GHSR: variants seen among roughly 807,000 people sequenced by gnomAD.
GHSR encodes the protein growth hormone secretagogue receptor type 1.
GHSR carries 17 observed loss-of-function variants against 24.0 expected under a neutral mutation model. That is an observed-to-expected ratio of 0.71 (90% CI 0.49 to 1.06). The LOEUF (loss-of-function observed/expected upper bound fraction) is 1.06, where lower values mean the gene tolerates loss of function less well. Among genes scored for constraint, GHSR ranks in the 50% least tolerant of loss-of-function variants. The probability of loss-of-function intolerance (pLI) is 0.00; values close to 1 mark genes in which losing one functional copy is unlikely to be tolerated. For synonymous variants in GHSR, 238 were observed against 208.1 expected, an observed-to-expected ratio of 1.14 and a Z score of -1.24; for missense variants, 504 against 483.1, an observed-to-expected ratio of 1.04 and a Z score of -0.41.
chr3:172,446,011 C>A (rs778877480), intron 1 of GHSR, among the ~76,000 whole-genome samples: 2 of 151,788 alleles, frequency 1.3e-5, no homozygotes, highest in Non-Finnish European at 2.9e-5. Context: ...ATGAATGATT[C>A]TATGCCACTT....
rs1737383835 is a variant in GHSR at position 172,443,368 on chromosome 3, G to A, written c.*1793C>T. 6.6e-6 allele frequency among the ~76,000 whole-genome samples: 1 copy of A among 151,988 alleles called. No individual in the cohort carries two copies. Among genetic ancestry groups the A allele is most frequent in the South Asian group, 2.1e-4 (1 of 4,816 alleles). The stretch of plus-strand genomic sequence containing the variant: ...TCTGTATTTAGACCACATTGGTGGT[G>A]CAGTTTTAGTGTCAGAACGAATCTC... On this transcript the variant is annotated 3_prime_UTR_variant, in exon 2 of 2. Coordinates refer to ENST00000241256, the MANE Select transcript of GHSR (RefSeq NM_198407.2).
At position 172,443,865 on chromosome 3, in the gene GHSR, A is replaced by G. The variant is rs531192936; in HGVS notation, c.*1296T>C. On this transcript the variant is annotated 3_prime_UTR_variant, in exon 2 of 2. Coordinates refer to ENST00000241256, the MANE Select transcript of GHSR (RefSeq NM_198407.2). ...ACACAGCATAGACATTTAAAAATAA[A>G]TGGCTATAAGATTTTTGAAAGTTTT... 6.6e-6 allele frequency among the ~76,000 whole-genome samples: 1 copy of G among 152,310 alleles called. No individual in the cohort carries two copies. The highest frequency in any genetic ancestry group is 2.1e-4 in the South Asian group (1 of 4,830).
rs267599694 is a variant in GHSR at position 172,447,919 on chromosome 3, G to C, written c.495C>G (p.Phe165Leu). The C allele has an allele frequency of 3.1e-6, 5 of 1,612,660 alleles. No individual in the cohort carries two copies. Among genetic ancestry groups the C allele is most frequent in the African/African-American group, 1.3e-5 (1 of 75,026 alleles). Residue 165 changes from phenylalanine (F) to leucine (L), a missense_variant, in exon 1 of 2, where the codon TTC (phenylalanine) becomes TTG (leucine). Transcript: ENST00000241256. ...TGCAGAAGGCCACGGCCCAGATGAC[G>C]AAGATGACCAGCTTCACCCGCCCCT... Reference protein sequence around the residue: ...VTKGRVKLVIFVIWAVAFCSA... With the variant: ...VTKGRVKLVILVIWAVAFCSA...
In GHSR at chr3:172,448,064, T is replaced by G. The variant is rs1737523563; in HGVS notation, c.350A>C (p.Lys117Thr). 6.2e-7 allele frequency: 1 copy of G among 1,614,106 alleles called. No homozygotes were observed. Among genetic ancestry groups the G allele is most frequent in the Admixed American group, 1.7e-5 (1 of 60,026 alleles). ...RPWNFGDLLC[K>T]LFQFVSESCT... ...GCTCTCACTGACGAATTGGAAGAGT[T>G]TGCAGAGGAGGTCGCCGAAGTTCCA... Residue 117 changes from lysine to threonine, a missense_variant, in exon 1 of 2, where the codon AAA becomes ACA. Lys to Thr is a moderately conservative substitution (Grantham distance 78, BLOSUM62 -1). Transcript: ENST00000241256. The surrounding 1 kb of genome is among the most constrained non-coding windows in gnomAD (Gnocchi z 4.8).
Position 172,448,360 on chromosome 3 carries a change from G to T in GHSR, c.54C>A (p.Asp18Glu). The change falls in exon 1 of 2, where the codon GAC becomes GAA. Residue 18 changes from aspartate to glutamate, a missense_variant. Physicochemically the swap from Asp to Glu is conservative, Grantham distance 45. Coordinates refer to ENST00000241256, the MANE Select transcript of GHSR (RefSeq NM_198407.2). The surrounding 1 kb of genome is among the most constrained non-coding windows in gnomAD (Gnocchi z 4.8). Reference protein sequence around the residue: ...EEPGFNLTLADLDWDASPGND... With the variant: ...EEPGFNLTLAELDWDASPGND... ...TGCCGGGGGAAGCATCCCAGTCCAG[G>T]TCGGCCAGTGTGAGGTTGAACCCCG... 2 of 1,601,168 alleles carry T rather than the reference G, an allele frequency of 1.2e-6. No homozygotes were observed. Among genetic ancestry groups the T allele is most frequent in the Non-Finnish European group, 1.7e-6 (2 of 1,179,752 alleles).
Position 172,444,984 on chromosome 3 carries a change from G to T in GHSR, c.*177C>A. ...ATAGTGTATGAGAGCACTGATAATT[G>T]TGCGATCAAATCAAACTGCTCACAC... On this transcript the variant is annotated 3_prime_UTR_variant, in exon 2 of 2. Transcript: ENST00000241256. The T allele has an allele frequency of 1.4e-6, 1 of 702,520 alleles. No homozygotes were observed. Among genetic ancestry groups the T allele is most frequent in the East Asian group, 2.5e-5 (1 of 39,674 alleles). 43.5% of individuals were successfully genotyped at this position (702,520 alleles called of 1,614,324 possible).
rs556431965 is a variant in GHSR at position 172,447,062 on chromosome 3, A to G, written c.796+556T>C. On this transcript the variant is annotated intron_variant, in intron 1 of 1. Transcript: ENST00000241256. ...AGAAAAATGAATAATCTCTAAGAGG[A>G]TTATCCAAATTGATCATGTCTTTGG... Among the ~76,000 whole-genome samples, 5 of 152,342 alleles carry G rather than the reference A, an allele frequency of 3.3e-5. No individual in the cohort carries two copies. The South Asian group carries it at 1.0e-3, about 32-fold the overall frequency.
chr3:172,447,790 T>A lies in GHSR; in HGVS notation c.624A>T (p.Gly208=), dbSNP rs1344163666. The change falls in exon 1 of 2, where the codon GGA becomes GGT. Residue 208 remains glycine (G), a synonymous_variant. Coordinates refer to ENST00000241256, the MANE Select transcript of GHSR (RefSeq NM_198407.2). ...CRPTEFAVRS[G]LLTVMVWVSS... is the part of the protein sequence containing the mutation. ...ACACCCACACCATGACCGTGAGCAG[T>A]CCAGAGCGCACCGCAAACTCGGTGG... is the stretch of plus-strand genomic sequence containing the variant. 1 of 1,613,906 alleles carries A rather than the reference T, an allele frequency of 6.2e-7. No individual in the cohort carries two copies. The highest frequency in any genetic ancestry group is 8.5e-7 in the Non-Finnish European group (1 of 1,179,998).
At chr3:172,446,552 A>G (rs1035951394) in intron 1 of GHSR, among the ~76,000 whole-genome samples, 4 of 152,232 alleles carry the variant, frequency 2.6e-5, no homozygotes, top group Admixed American at 1.3e-4. Context: ...GGCTTCTAAG[A>G]AGCCTTAAAA....
rs770783521 is a variant in GHSR at position 172,445,141 on chromosome 3, T to C, written c.*20A>G. On this transcript the variant is annotated 3_prime_UTR_variant, in exon 2 of 2. Transcript: ENST00000241256. The stretch of plus-strand genomic sequence containing the variant: ...CCGGTTTAGAGTAATAAGCGGTGAC[T>C]GTACTCGCAATGTGCTAGGTCATGT... The C allele has an allele frequency of 6.2e-7, 1 of 1,613,432 alleles. No individual in the cohort carries two copies. Among genetic ancestry groups the C allele is most frequent in the Non-Finnish European group, 8.5e-7 (1 of 1,179,530 alleles).
rs200285414 is a variant in GHSR, at chr3:172,445,422, G to A, written c.840C>T (p.His280=). The A allele has an allele frequency of 2.2e-5, 36 of 1,613,672 alleles. No homozygotes were observed. In the East Asian group the frequency reaches 4.0e-4, roughly 18 times the overall value. Residue 280 remains histidine, a synonymous_variant, in exon 2 of 2, where the codon CAC becomes CAT. Coordinates refer to ENST00000241256, the MANE Select transcript of GHSR (RefSeq NM_198407.2). ...FAFILCWLPF[H]VGRYLFSKSF... is the part of the protein sequence containing the mutation. ...ATTTGGAAAATAAATATCGCCCTAC[G>A]TGGAAGGGGAGCCAGCAGAGGATGA...
In GHSR at chr3:172,448,216, C is replaced by T. The variant is rs1238857300; in HGVS notation, c.198G>A (p.Leu66=). ...GCAGCTCGCGGAAGCGCGACACCACCAGCATGGTGAGCAGGTTGCCAGCGA... is the reference window on the plus strand; with the variant it reads ...GCAGCTCGCGGAAGCGCGACACCACTAGCATGGTGAGCAGGTTGCCAGCGA... ...VGIAGNLLTM[L]VVSRFRELRT... Residue 66 remains leucine, a synonymous_variant, in exon 1 of 2, where the codon CTG becomes CTA. Transcript: ENST00000241256. This position sits in a 1 kb window ranked among gnomAD's most constrained non-coding sequence, Gnocchi z 4.8. The T allele has an allele frequency of 6.2e-7, 1 of 1,614,082 alleles. No individual in the cohort carries two copies. The highest frequency in any genetic ancestry group is 2.2e-5 in the East Asian group (1 of 44,874).
rs913666448 is a variant in GHSR at position 172,443,502 on chromosome 3, G to GA, written c.*1658dup. 2.0e-5 allele frequency among the ~76,000 whole-genome samples: 3 copies of GA among 151,842 alleles called. No individual in the cohort carries two copies. Among genetic ancestry groups the GA allele is most frequent in the African/African-American group, 7.3e-5 (3 of 41,342 alleles). The stretch of plus-strand genomic sequence containing the variant: ...ATGATTATCTTTCTTTTTGATGAAG[G>GA]AAAAAACAGTCATGGCAGGAATTTC... On this transcript the variant is annotated 3_prime_UTR_variant, in exon 2 of 2. Transcript: ENST00000241256.
chr3:172,447,663 C>T lies in GHSR; in HGVS notation c.751G>A (p.Ala251Thr), dbSNP rs1177014265. 6.2e-7 allele frequency: 1 copy of T among 1,613,968 alleles called. No individual in the cohort carries two copies. The highest frequency in any genetic ancestry group is 8.5e-7 in the Non-Finnish European group (1 of 1,180,028). Residue 251 changes from alanine to threonine, a missense_variant, in exon 1 of 2, where the codon GCC (alanine) becomes ACC (threonine). Physicochemically the swap from Ala to Thr is moderately conservative, Grantham distance 58. Coordinates refer to ENST00000241256, the MANE Select transcript of GHSR (RefSeq NM_198407.2). ...TTGTGGTTCTGGTCCCTGAGCGAGG[C>T]ACCCACGACAGCATCGCCGCGCCTC... ...RRRRGDAVVG[A>T]SLRDQNHKQT...
rs762604209 is a variant in GHSR at position 172,443,346 on chromosome 3, G to C, written c.*1815C>G. Among the ~76,000 whole-genome samples the C allele has an allele frequency of 1.4e-4, 21 of 151,712 alleles. No homozygotes were observed. Among genetic ancestry groups the C allele is most frequent in the African/African-American group, 5.1e-4 (21 of 41,362 alleles). ...TACATAATCAGCTTGCTAGTGTTCTGTATTTAGACCACATTGGTGGTGCAG... is the reference window on the plus strand; with the variant it reads ...TACATAATCAGCTTGCTAGTGTTCTCTATTTAGACCACATTGGTGGTGCAG... On this transcript the variant is annotated 3_prime_UTR_variant, in exon 2 of 2. Transcript: ENST00000241256.
Position 172,448,291 on chromosome 3 carries a change from C to A in GHSR, c.123G>T (p.Pro41=). The A allele has an allele frequency of 1.2e-6, 2 of 1,612,330 alleles. No homozygotes were observed. Among genetic ancestry groups the A allele is most frequent in the Non-Finnish European group, 8.5e-7 (1 of 1,179,864 alleles). Residue 41 remains proline, a synonymous_variant, in exon 1 of 2, where the codon CCG becomes CCT. Coordinates refer to ENST00000241256, the MANE Select transcript of GHSR (RefSeq NM_198407.2). This position sits in a 1 kb window ranked among gnomAD's most constrained non-coding sequence, Gnocchi z 4.8. ...GDELLQLFPA[P]LLAGVTATCV... is the part of the protein sequence containing the mutation. ...AGGTGGCTGTGACGCCCGCCAGCAG[C>A]GGCGCGGGGAAGAGCTGCAGCAGCT...
In GHSR at chr3:172,448,031, T is replaced by C. The variant is rs1737522040; in HGVS notation, c.383A>G (p.Tyr128Cys). The change falls in exon 1 of 2, where the codon TAC becomes TGC. Residue 128 changes from tyrosine (Y) to cysteine (C), a missense_variant. Coordinates refer to ENST00000241256, the MANE Select transcript of GHSR (RefSeq NM_198407.2). This position sits in a 1 kb window ranked among gnomAD's most constrained non-coding sequence, Gnocchi z 4.8. ...CGCTGTGATGGTGAGCACCGTGGCG[T>C]AGGTGCAGCTCTCACTGACGAATTG... is the stretch of plus-strand genomic sequence containing the variant. ...LFQFVSESCT[Y>C]ATVLTITALS... 1 of 1,614,068 alleles carries C rather than the reference T, an allele frequency of 6.2e-7. No individual in the cohort carries two copies. Among genetic ancestry groups the C allele is most frequent in the East Asian group, 2.2e-5 (1 of 44,870 alleles).
chr3:172,448,260 C>A lies in GHSR; in HGVS notation c.154G>T (p.Ala52Ser), dbSNP rs924013806. The A allele has an allele frequency of 3.1e-6, 5 of 1,613,434 alleles. No individual in the cohort carries two copies. The highest frequency in any genetic ancestry group is 1.7e-5 in the Admixed American group (1 of 60,006). The change falls in exon 1 of 2, where the codon GCA (alanine) becomes TCA (serine). Residue 52 changes from alanine (A) to serine (S), a missense_variant. Ala to Ser is a moderately conservative substitution (Grantham distance 99). Transcript: ENST00000241256. This position sits in a 1 kb window ranked among gnomAD's most constrained non-coding sequence, Gnocchi z 4.8. The part of the protein sequence containing the change: ...LLAGVTATCV[A>S]LFVVGIAGNL... ...CCAGCGATGCCCACCACGAAGAGTG[C>A]CACGCAGGTGGCTGTGACGCCCGCC...
In GHSR at chr3:172,443,343, T is replaced by A. The variant is rs1737382920; in HGVS notation, c.*1818A>T. Among the ~76,000 whole-genome samples, 2 of 152,140 alleles carry A rather than the reference T, an allele frequency of 1.3e-5. No homozygotes were observed. Among genetic ancestry groups the A allele is most frequent in the South Asian group, 4.1e-4 (2 of 4,822 alleles). ...AACTACATAATCAGCTTGCTAGTGTTCTGTATTTAGACCACATTGGTGGTG... is the reference window on the plus strand; with the variant it reads ...AACTACATAATCAGCTTGCTAGTGTACTGTATTTAGACCACATTGGTGGTG... On this transcript the variant is annotated 3_prime_UTR_variant, in exon 2 of 2. Coordinates refer to ENST00000241256, the MANE Select transcript of GHSR (RefSeq NM_198407.2).
Sources: allele counts gnomAD v4.1 joint callset (sites outside exome capture counted in the v4.1 genomes callset), GRCh38; gene constraint gnomAD v4.1.1; non-coding constraint Gnocchi (gnomAD v3.1); transcripts MANE v1.5; gene names NCBI Gene and HGNC (gene_info 2026-07-23, HGNC 2026-07-21).